The following ZNF578 variants were observed in gnomAD, a reference collection of about 807,000 sequenced individuals.
ZNF578 encodes Putative chemokine-related protein B42.
A neutral mutation model predicts 8.3 loss-of-function variants in ZNF578; 8 were observed. The ratio of observed to expected loss-of-function variants is 0.96; its 90% CI spans 0.56 to 1.74. The LOEUF (loss-of-function observed/expected upper bound fraction) is 1.74. Among genes scored for constraint, ZNF578 ranks in the 40% most tolerant of loss-of-function variants. ZNF578 has a pLI of 0.00. For synonymous variants in ZNF578, 206 were observed against 232.2 expected, an observed-to-expected ratio of 0.89 and a Z score of 1.03; for missense variants, 726 against 707.5, an observed-to-expected ratio of 1.03 and a Z score of -0.30.
Position 52,507,479 on chromosome 19 carries a change from G to T in ZNF578, c.190+2698G>T, listed in dbSNP as rs1358173181. On this transcript the variant is annotated intron_variant, in intron 5 of 5. Transcript: ENST00000421239. The stretch of plus-strand genomic sequence containing the variant: ...AGGCTGAGGCACGAGACTCTCTTTA[G>T]GTAGGAGAATCGTGCCACTGCACTC... Among the ~76,000 whole-genome samples the T allele has an allele frequency of 3.3e-5, 5 of 152,004 alleles. No individual in the cohort carries two copies. In the East Asian group the frequency reaches 9.6e-4, roughly 29 times the overall value.
chr19:52,512,447 A>C lies in ZNF578; in HGVS notation c.*293A>C, dbSNP rs329938. On this transcript the variant is annotated 3_prime_UTR_variant, in exon 6 of 6. Coordinates refer to ENST00000421239, the MANE Select transcript of ZNF578 (RefSeq NM_001099694.2). ...TCTTCCGAGTGTAATAAATGTGGCA[A>C]ATTTTTCAGACATCGTTCATACCTT... The C allele has an allele frequency of 1.1e-5, 15 of 1,385,122 alleles. No homozygotes were observed. The highest frequency in any genetic ancestry group is 1.4e-5 in the Non-Finnish European group (14 of 982,256). 85.8% of individuals were successfully genotyped at this position (1,385,122 alleles called of 1,614,324 possible).
intron 2 of ZNF578, among the ~76,000 whole-genome samples, chr19:52,459,648 C>CACACACACACACAT (rs1555751274): frequency 2.3e-5 from 3 of 131,438 alleles, no homozygotes; most frequent in African/African-American, 8.8e-5. Flanking sequence ...CACACACACA[C>CACACACACACACAT]ACATATATAT....
At position 52,506,135 on chromosome 19, in the gene ZNF578, C is replaced by T. The variant is rs75332622; in HGVS notation, c.190+1354C>T. ...GGCTTCTTTTGATAGCCTGGCCTGACGTGATTCACTTGCCTCGGATTCCAA... is the reference window on the plus strand; with the variant it reads ...GGCTTCTTTTGATAGCCTGGCCTGATGTGATTCACTTGCCTCGGATTCCAA... On this transcript the variant is annotated intron_variant, in intron 5 of 5. Transcript: ENST00000421239. 1.8e-4 allele frequency among the ~76,000 whole-genome samples: 28 copies of T among 152,144 alleles called. 1 individual carries two copies. Among genetic ancestry groups the T allele is most frequent in the South Asian group, 6.2e-4 (3 of 4,818 alleles).
At position 52,510,631 on chromosome 19, in the gene ZNF578, G is replaced by A. The variant is rs2059441071; in HGVS notation, c.250G>A (p.Val84Met). 1.1e-5 allele frequency: 17 copies of A among 1,597,636 alleles called. No individual in the cohort carries two copies. The highest frequency in any genetic ancestry group is 1.4e-5 in the Non-Finnish European group (17 of 1,172,698). ...VLSTGQGNTE[V>M]IHTGMLQRHE... ...GTCAACAGGGCAAGGCAATACAGAA[G>A]TGATCCACACAGGGATGTTGCAAAG... The change falls in exon 6 of 6, where the codon GTG (valine) becomes ATG (methionine). Residue 84 changes from valine (V) to methionine (M), a missense_variant. Val to Met is a conservative substitution (Grantham distance 21). Transcript: ENST00000421239.
At chr19:52,476,180 A>C (rs1427294176) in intron 2 of ZNF578, among the ~76,000 whole-genome samples, 2 of 151,976 alleles carry the variant, frequency 1.3e-5, no homozygotes, top group Non-Finnish European at 2.9e-5. Context: ...TGGGGCTGGC[A>C]GACCTTGCTG....
At chr19:52,473,589 C>T in intron 2 of ZNF578, 2 of 178,838 alleles carry the variant, frequency 1.1e-5, no homozygotes, top group South Asian at 1.9e-4. Context: ...CCAGTATGAA[C>T]TATCTGATGT....
At chr19:52,474,617 C>T (rs971567714) in intron 2 of ZNF578, 3 of 324,748 alleles carry the variant, frequency 9.2e-6, no homozygotes, top group African/African-American at 4.4e-5. Flanking sequence ...TTCCTGAAGA[C>T]TTTACCACAC....
intron 2 of ZNF578, among the ~76,000 whole-genome samples, chr19:52,468,004 A>AT (rs955348533): frequency 6.6e-5 from 10 of 152,036 alleles, no homozygotes; most frequent in South Asian, 2.1e-4. Flanking sequence ...ACTCATGCAT[A>AT]TTTTTTTTCT....
In ZNF578 at chr19:52,516,564, A is replaced by G. The variant is rs937819388; in HGVS notation, c.*4410A>G. On this transcript the variant is annotated 3_prime_UTR_variant, in exon 6 of 6. Coordinates refer to ENST00000421239, the MANE Select transcript of ZNF578 (RefSeq NM_001099694.2). The stretch of plus-strand genomic sequence containing the variant: ...GTATACATCCAGATGGCCTGAAGCA[A>G]CTGAAGATCCACGAAAGAAGTGAAA... Among the ~76,000 whole-genome samples the G allele has an allele frequency of 6.6e-6, 1 of 152,244 alleles. No homozygotes were observed. The highest frequency in any genetic ancestry group is 2.4e-5 in the African/African-American group (1 of 41,466).
chr19:52,461,808 A>C (rs1206644549), intron 2 of ZNF578, among the ~76,000 whole-genome samples: 1 of 152,192 alleles, frequency 6.6e-6, no homozygotes, highest in Non-Finnish European at 1.5e-5. Flanking sequence ...TCCAAACTCG[A>C]ATATGAGATT....
At chr19:52,476,382 G>C (rs966217779) in intron 2 of ZNF578, among the ~76,000 whole-genome samples, 1 of 152,110 alleles carries the variant, frequency 6.6e-6, no homozygotes, top group African/African-American at 2.4e-5. Flanking sequence ...GCCATTGATC[G>C]ACCCATACAG....
chr19:52,464,152 G>T (rs551502173), intron 2 of ZNF578, among the ~76,000 whole-genome samples: 1 of 152,108 alleles, frequency 6.6e-6, no homozygotes, highest in African/African-American at 2.4e-5. Context: ...GGTATTATGT[G>T]GCAAAAAGGA....
chr19:52,480,622 G>A (rs2059322759), intron 2 of ZNF578, among the ~76,000 whole-genome samples: 1 of 151,750 alleles, frequency 6.6e-6, no homozygotes, highest in African/African-American at 2.4e-5. Context: ...TTTTGGCCGG[G>A]CACAGTGGCT....
chr19:52,504,505 T>C, intron 4 of ZNF578, 150 bp from the exon 5 acceptor site: 1 of 1,490,330 alleles, frequency 6.7e-7, no homozygotes, highest in Non-Finnish European at 8.9e-7. Context: ...ATGCAACTAT[T>C]GAGAAAAAAA....
intron 2 of ZNF578, among the ~76,000 whole-genome samples, chr19:52,466,202 T>G (rs1234934655): frequency 6.6e-6 from 1 of 152,258 alleles, no homozygotes; most frequent in African/African-American, 2.4e-5. Flanking sequence ...TTCTTTGTGC[T>G]GAAGCAGCAT....
rs182074210 is a variant in ZNF578 at position 52,507,730 on chromosome 19, G to T, written c.191-2842G>T. On this transcript the variant is annotated intron_variant, in intron 5 of 5. Coordinates refer to ENST00000421239, the MANE Select transcript of ZNF578 (RefSeq NM_001099694.2). ...CATGGGGGAAAGAGGAGCAGGCAAT[G>T]AGCTCTTTACTGTCTCTTTTTATAA... Among the ~76,000 whole-genome samples the T allele has an allele frequency of 8.6e-3, 1,313 of 152,256 alleles. 14 individuals are homozygous for T. Among genetic ancestry groups the T allele is most frequent in the East Asian group, 0.027 (137 of 5,162 alleles).
chr19:52,474,343 T>C (rs1358541541), intron 2 of ZNF578: 3 of 291,360 alleles, frequency 1.0e-5, no homozygotes, highest in Admixed American at 8.9e-5. Context: ...TGGTATGAAT[T>C]ATCCAATGTT....
chr19:52,457,044 A>G lies in ZNF578; in HGVS notation c.-122+86A>G, dbSNP rs1467075953. The G allele has an allele frequency of 2.6e-5, 4 of 152,666 alleles. 1 individual carries two copies. The highest frequency in any genetic ancestry group is 4.1e-4 in the South Asian group (2 of 4,824). 9.5% of individuals were successfully genotyped at this position (152,666 alleles called of 1,614,324 possible). ...GGTGTTATGATATATATTGGTTTCCATCGACGGTTCCTGGCTTATAACCTC... is the reference window on the plus strand; with the variant it reads ...GGTGTTATGATATATATTGGTTTCCGTCGACGGTTCCTGGCTTATAACCTC... On this transcript the variant is annotated intron_variant, in intron 2 of 5. Transcript: ENST00000421239.
Position 52,514,286 on chromosome 19 carries a change from G to T in ZNF578, c.*2132G>T, listed in dbSNP as rs1241351416. On this transcript the variant is annotated 3_prime_UTR_variant, in exon 6 of 6. Transcript: ENST00000421239. ...TATATTTTCCAGTTGTTTTCCGGTT[G>T]ACCCCAAAATTCGTGAGATTTTTTT... Among the ~76,000 whole-genome samples the T allele has an allele frequency of 3.3e-5, 5 of 152,086 alleles. No individual in the cohort carries two copies. Among genetic ancestry groups the T allele is most frequent in the Non-Finnish European group, 7.3e-5 (5 of 68,034 alleles).
Sources: allele counts gnomAD v4.1 joint callset (sites outside exome capture counted in the v4.1 genomes callset), GRCh38; gene constraint gnomAD v4.1.1; transcripts MANE v1.5; gene names NCBI Gene and HGNC (gene_info 2026-07-23, HGNC 2026-07-21).